The following ANXA13 variants were observed in gnomAD, a reference collection of about 807,000 sequenced individuals.
The protein encoded by ANXA13 is annexin A13, also known as annexin XIII.
Under a neutral mutation model 46.6 loss-of-function variants are expected in ANXA13, and 36 were observed. The observed-to-expected ratio is 0.77, with a 90% CI of 0.59 to 1.02. The LOEUF is 1.02. Among genes scored for constraint, ANXA13 ranks in the 50% least tolerant of loss-of-function variants. The pLI is 0.00. For missense variants in ANXA13, 417 were observed against 396.5 expected (o/e 1.05, Z -0.44); for synonymous variants, 163 against 152.9 (o/e 1.07, Z -0.49).
chr8:123,721,386 A>G (rs1182474515), intron 1 of ANXA13, among the ~76,000 whole-genome samples: 2 of 152,184 alleles, frequency 1.3e-5, no homozygotes, highest in Non-Finnish European at 2.9e-5. Flanking sequence ...TTTCCTCCGT[A>G]TCTTTTCCAA....
chr8:123,731,558 T>C (rs1814117209), intron 1 of ANXA13, among the ~76,000 whole-genome samples: 1 of 152,070 alleles, frequency 6.6e-6, no homozygotes, highest in Non-Finnish European at 1.5e-5. Flanking sequence ...ATCAGTCCAG[T>C]GTGAGGCAGG....
chr8:123,722,904 A>G (rs1210177916), intron 1 of ANXA13, among the ~76,000 whole-genome samples: 3 of 152,022 alleles, frequency 2.0e-5, no homozygotes, highest in African/African-American at 7.3e-5. Flanking sequence ...TCCCTTTCCT[A>G]AAGTATCTTT....
intron 2 of ANXA13, among the ~76,000 whole-genome samples, chr8:123,703,297 G>A (rs1298103078): frequency 6.6e-6 from 1 of 151,048 alleles, no homozygotes; most frequent in Non-Finnish European, 1.5e-5. Context: ...TGAAAGTCCG[G>A]AACAGGAGAA....
intron 1 of ANXA13, among the ~76,000 whole-genome samples, chr8:123,715,916 T>G (rs1813751323): frequency 6.6e-6 from 1 of 152,126 alleles, no homozygotes; most frequent in Non-Finnish European, 1.5e-5. Flanking sequence ...TTGTAGGAGC[T>G]GAGGGGTGAG....
At chr8:123,721,365 C>A (rs1379793057) in intron 1 of ANXA13, among the ~76,000 whole-genome samples, 1 of 152,166 alleles carries the variant, frequency 6.6e-6, no homozygotes, top group Non-Finnish European at 1.5e-5. Flanking sequence ...GAACCAGGCA[C>A]GAGGCTGTTT....
At chr8:123,700,942 C>T (rs117719542) in intron 3 of ANXA13, among the ~76,000 whole-genome samples, 2,191 of 152,156 alleles carry the variant, frequency 0.014, 17 homozygotes, top group Non-Finnish European at 0.023. Flanking sequence ...CCAGCCTCAG[C>T]CTCCTGAGTA....
intron 2 of ANXA13, among the ~76,000 whole-genome samples, chr8:123,705,035 G>A (rs80217293): frequency 0.14 from 21,018 of 152,186 alleles, 1,628 homozygotes; most frequent in Admixed American, 0.18. Context: ...AACTCATTTT[G>A]TCTATCCTTA....
At chr8:123,693,615 A>C in intron 7 of ANXA13, 96 bp downstream of exon 7, 2 of 1,084,332 alleles carry the variant, frequency 1.8e-6, no homozygotes, top group South Asian at 2.8e-5. Flanking sequence ...TTATTTCCCA[A>C]GTAACTCCTC....
rs777899634 is a variant in ANXA13, at chr8:123,684,697, G to C, written c.744C>G (p.Asp248Glu). 1 of 1,613,772 alleles carries C rather than the reference G, an allele frequency of 6.2e-7. No individual in the cohort carries two copies. Among genetic ancestry groups the C allele is most frequent in the African/African-American group, 1.3e-5 (1 of 74,900 alleles). Residue 248 changes from aspartate (D) to glutamate (E), a missense_variant, in exon 10 of 11, where the codon GAC (aspartate) becomes GAG (glutamate). Physicochemically the swap from Asp to Glu is conservative, Grantham distance 45 (BLOSUM62 2). Coordinates refer to ENST00000419625, the MANE Select transcript of ANXA13 (RefSeq NM_004306.4). Reference sequence around the variant, plus strand: ...ACTTGTACAGACGTTCAGCAAAATAGTCCTCACAATCCTGGGCACATCTCA... The same window carrying C: ...ACTTGTACAGACGTTCAGCAAAATACTCCTCACAATCCTGGGCACATCTCA... ...TLVRCAQDCE[D>E]YFAERLYKSM...
At position 123,698,435 on chromosome 8, in the gene ANXA13, G is replaced by A. The variant is rs1813383947; in HGVS notation, c.311C>T (p.Thr104Ile). 10 of 1,614,214 alleles carry A rather than the reference G, an allele frequency of 6.2e-6. No individual in the cohort carries two copies. In the African/African-American group the frequency reaches 6.7e-5, roughly 11 times the overall value. The change falls in exon 4 of 11, where the codon ACA becomes ATA. Residue 104 changes from threonine to isoleucine, a missense_variant. Transcript: ENST00000419625. The part of the protein sequence containing the change: ...QLQKAMKGLG[T>I]DESVLIEVLC... ...GACCTCAATGAGGACGGACTCATCT[G>A]TGCCCAGACCCTTCATAGCCTTCTG...
chr8:123,705,903 G>C (rs968118569), intron 2 of ANXA13, among the ~76,000 whole-genome samples: 6 of 152,202 alleles, frequency 3.9e-5, no homozygotes, highest in Non-Finnish European at 8.8e-5. Context: ...CCAGCCCTCA[G>C]AGTCAGCTTT....
chr8:123,701,342 TG>T (rs1813443864), intron 3 of ANXA13, among the ~76,000 whole-genome samples: 1 of 152,076 alleles, frequency 6.6e-6, no homozygotes, highest in African/African-American at 2.4e-5. Flanking sequence ...TGGTGGCGCG[TG>T]CCTGTAATCC....
chr8:123,702,436 A>G (rs1272757576), intron 3 of ANXA13, among the ~76,000 whole-genome samples: 2 of 152,232 alleles, frequency 1.3e-5, no homozygotes, highest in Admixed American at 1.3e-4. Flanking sequence ...TGAGTTTAAG[A>G]GTATTGATTT....
At chr8:123,725,211 G>A (rs545631770) in intron 1 of ANXA13, among the ~76,000 whole-genome samples, 108 of 152,172 alleles carry the variant, frequency 7.1e-4, no homozygotes, top group Admixed American at 1.1e-3. Context: ...TAAAAAGTGC[G>A]TATTTAAAAA....
chr8:123,704,112 G>A (rs897228440), intron 2 of ANXA13, among the ~76,000 whole-genome samples: 2 of 152,092 alleles, frequency 1.3e-5, no homozygotes, highest in South Asian at 2.1e-4. Flanking sequence ...TCCTAAGCAC[G>A]CACGTGGGAA....
At chr8:123,722,695 T>C (rs1288755283) in intron 1 of ANXA13, among the ~76,000 whole-genome samples, 1 of 152,202 alleles carries the variant, frequency 6.6e-6, no homozygotes, top group Non-Finnish European at 1.5e-5. Context: ...CTCTCATTTG[T>C]AAAATGGGAC....
intron 2 of ANXA13, among the ~76,000 whole-genome samples, chr8:123,706,084 C>T (rs1438499102): frequency 1.3e-5 from 2 of 152,186 alleles, no homozygotes; most frequent in Non-Finnish European, 2.9e-5. Context: ...AAACAGAATT[C>T]TAGGAGGATC....
intron 1 of ANXA13, among the ~76,000 whole-genome samples, chr8:123,731,126 C>G (rs1475125635): frequency 1.3e-5 from 2 of 152,172 alleles, no homozygotes. Context: ...TTGCTGGATC[C>G]CATCTCCAGA....
At chr8:123,701,502 C>T (rs758976443) in intron 3 of ANXA13, among the ~76,000 whole-genome samples, 24 of 152,042 alleles carry the variant, frequency 1.6e-4, no homozygotes, top group African/African-American at 5.6e-4. Flanking sequence ...ACAAAAAAAA[C>T]CACACACACA....
Sources: gnomAD v4.1 joint callset for allele counts (sites outside exome capture counted in the v4.1 genomes callset) on GRCh38, gnomAD v4.1.1 for gene constraint, MANE v1.5 for transcripts, NCBI Gene and HGNC (gene_info 2026-07-23, HGNC 2026-07-21) for gene names.